USP34: variants seen among roughly 807,000 people sequenced by gnomAD.
USP34 encodes the protein ubiquitin carboxyl-terminal hydrolase 34.
A neutral mutation model predicts 460.3 loss-of-function variants in USP34; 70 were observed. The ratio of observed to expected loss-of-function variants is 0.15; its 90% CI spans 0.13 to 0.19. The LOEUF is 0.19. USP34 is among the 10% of genes least tolerant of loss of function. USP34 has a pLI of 1.00. For missense variants in USP34, 3,985 were observed against 4,236.2 expected (o/e 0.94, Z 1.65); for synonymous variants, 1,647 against 1,405.3 (o/e 1.17, Z -3.85).
At chr2:61,307,055 G>A (rs1302890975) in intron 27 of USP34, among the ~76,000 whole-genome samples, 1 of 152,002 alleles carries the variant, frequency 6.6e-6, no homozygotes, top group African/African-American at 2.4e-5. Flanking sequence ...GCAAAGACTT[G>A]GAACCAACCC....
In USP34 at chr2:61,295,008, C is replaced by A; in HGVS notation, c.4402G>T (p.Asp1468Tyr). The A allele has an allele frequency of 6.2e-7, 1 of 1,612,564 alleles. No individual in the cohort carries two copies. Among genetic ancestry groups the A allele is most frequent in the South Asian group, 1.1e-5 (1 of 90,528 alleles). Reference sequence around the variant, plus strand: ...TGATCTTCACTTGAATCATCTGAATCTGGATAAAGATCACTGTAACTTCCC... The same window carrying A: ...TGATCTTCACTTGAATCATCTGAATATGGATAAAGATCACTGTAACTTCCC... ...STGSYSDLYPDSDDSSEDQVE... is the reference protein window; with the variant it reads ...STGSYSDLYPYSDDSSEDQVE... Residue 1468 changes from aspartate to tyrosine, a missense_variant, in exon 32 of 80, where the codon GAT becomes TAT. Physicochemically the swap from Asp to Tyr is radical, Grantham distance 160. This residue lies in a region of USP34 where 1,114 missense variants were observed against 1,122.5 expected (regional missense o/e 0.99). Transcript: ENST00000398571.
At chr2:61,386,083 A>C (rs764161429) in intron 5 of USP34, among the ~76,000 whole-genome samples, 29 of 152,132 alleles carry the variant, frequency 1.9e-4, no homozygotes, top group Non-Finnish European at 7.4e-5. Context: ...TCAGTAATTA[A>C]GTCAGTAGGC....
rs1211206999 is a variant in USP34 at position 61,470,955 on chromosome 2, G to T, written c.-263C>A. Among the ~76,000 whole-genome samples the T allele has an allele frequency of 2.2e-5, 3 of 135,670 alleles. No individual in the cohort carries two copies. The highest frequency in any genetic ancestry group is 5.3e-4 in the South Asian group (2 of 3,808). 89.0% of individuals were successfully genotyped at this position (135,670 alleles called of 152,430 possible). On this transcript the variant is annotated 5_prime_UTR_variant, in exon 1 of 80. Transcript: ENST00000398571. ...GCGCCGAGGCGCCGGCGGCGGGGAAGGGGGGGAAGGACGGGGGGAGGGGAG... is the reference window on the plus strand; with the variant it reads ...GCGCCGAGGCGCCGGCGGCGGGGAATGGGGGGAAGGACGGGGGGAGGGGAG...
intron 61 of USP34, among the ~76,000 whole-genome samples, chr2:61,227,519 T>C (rs1174227003): frequency 2.0e-5 from 3 of 152,120 alleles, no homozygotes; most frequent in Non-Finnish European, 4.4e-5. Context: ...GAGAACAGCC[T>C]GGCCGACATG....
chr2:61,444,768 C>G (rs954657178), intron 1 of USP34, among the ~76,000 whole-genome samples: 1 of 152,076 alleles, frequency 6.6e-6, no homozygotes, highest in African/African-American at 2.4e-5. Flanking sequence ...ACATTGCCTC[C>G]TCCAGCCTCT....
chr2:61,205,438 A>G (rs1462337302), intron 72 of USP34, among the ~76,000 whole-genome samples: 1 of 152,192 alleles, frequency 6.6e-6, no homozygotes, highest in Non-Finnish European at 1.5e-5. Flanking sequence ...GACTGCTTAT[A>G]TATGACAGCC....
At chr2:61,398,304 C>T (rs1693599414) in intron 3 of USP34, among the ~76,000 whole-genome samples, 1 of 151,810 alleles carries the variant, frequency 6.6e-6, no homozygotes, top group Non-Finnish European at 1.5e-5. Flanking sequence ...GAGGTCTAGG[C>T]TGCAATGAGC....
chr2:61,206,914 C>T (rs1344928503), intron 70 of USP34, 28 bp from the exon 71 acceptor site: 3 of 1,605,772 alleles, frequency 1.9e-6, no homozygotes, highest in South Asian at 2.2e-5. Flanking sequence ...AAATTGAAAA[C>T]TTAATTTCAT....
At chr2:61,303,769 TG>T (rs1212706377) in intron 27 of USP34, among the ~76,000 whole-genome samples, 2 of 151,162 alleles carry the variant, frequency 1.3e-5, no homozygotes, top group Non-Finnish European at 3.0e-5. Flanking sequence ...GCTCATTTTT[TG>T]TATTTTTAGT....
intron 3 of USP34, among the ~76,000 whole-genome samples, chr2:61,402,012 AG>A (rs1282450657): frequency 2.0e-5 from 3 of 151,780 alleles, no homozygotes; most frequent in Non-Finnish European, 2.9e-5. Flanking sequence ...AGCACTTTGG[AG>A]GTCAAGGCAG....
chr2:61,279,455 G>C (rs1689469576), intron 39 of USP34, among the ~76,000 whole-genome samples: 1 of 152,158 alleles, frequency 6.6e-6, no homozygotes, highest in Non-Finnish European at 1.5e-5. Flanking sequence ...TAAGTGGCAA[G>C]ATTTGCTTTG....
At chr2:61,405,320 C>T (rs1693839428) in intron 3 of USP34, among the ~76,000 whole-genome samples, 1 of 150,418 alleles carries the variant, frequency 6.6e-6, no homozygotes, top group Non-Finnish European at 1.5e-5. Context: ...AGATAATTTG[C>T]TAAGCTTTTT....
At chr2:61,323,075 TGCCAATAAGAGAAG>T (rs1690975129) in intron 21 of USP34, among the ~76,000 whole-genome samples, 1 of 152,156 alleles carries the variant, frequency 6.6e-6, no homozygotes, top group African/African-American at 2.4e-5. Context: ...ACAGGAACTG[TGCCAATAAGAGAAG>T]TACAACCAGC....
intron 1 of USP34, among the ~76,000 whole-genome samples, chr2:61,457,478 G>C (rs1029313148): frequency 1.3e-5 from 2 of 152,206 alleles, no homozygotes; most frequent in Non-Finnish European, 2.9e-5. Context: ...CAAAGAAACG[G>C]TTTTTTCTGG....
intron 44 of USP34, among the ~76,000 whole-genome samples, chr2:61,259,443 A>G (rs1190401682): frequency 2.0e-5 from 3 of 151,602 alleles, no homozygotes; most frequent in Non-Finnish European, 4.4e-5. Flanking sequence ...ACTCGAGTGC[A>G]GTAGTGAGAT....
At chr2:61,302,433 C>T (rs1044259706) in intron 27 of USP34, among the ~76,000 whole-genome samples, 9 of 152,162 alleles carry the variant, frequency 5.9e-5, no homozygotes, top group Non-Finnish European at 1.3e-4. Flanking sequence ...GCCTTAAGCA[C>T]AATTTTTTTA....
At chr2:61,205,429 A>G (rs1687091101) in intron 72 of USP34, among the ~76,000 whole-genome samples, 1 of 152,174 alleles carries the variant, frequency 6.6e-6, no homozygotes, top group East Asian at 1.9e-4. Flanking sequence ...GTCAAGACGG[A>G]CTGCTTATAT....
intron 11 of USP34, 42 bp from the exon 12 acceptor site, chr2:61,350,431 C>G: frequency 1.9e-6 from 3 of 1,580,872 alleles, no homozygotes; most frequent in Non-Finnish European, 2.6e-6. Flanking sequence ...GAATTCCAGG[C>G]AACACTAACA....
intron 65 of USP34, 45 bp from the exon 66 acceptor site, chr2:61,221,651 C>T (rs1558473760): frequency 1.3e-6 from 2 of 1,559,816 alleles, no homozygotes; most frequent in Admixed American, 1.7e-5. Flanking sequence ...AATCTGAACC[C>T]ATCTCCTTCA....
Sources: allele counts gnomAD v4.1 joint callset (sites outside exome capture counted in the v4.1 genomes callset), GRCh38; gene constraint gnomAD v4.1.1; regional missense constraint gnomAD v4.1.1; transcripts MANE v1.5; gene names NCBI Gene and HGNC (gene_info 2026-07-23, HGNC 2026-07-21).